The following CNTN5 variants were observed in gnomAD, a reference collection of about 807,000 sequenced individuals.
The protein encoded by CNTN5 is contactin-5.
Under a neutral mutation model 129.1 loss-of-function variants are expected in CNTN5, and 77 were observed. The ratio of observed to expected loss-of-function variants is 0.60; its 90% CI spans 0.50 to 0.72. The LOEUF is 0.72. Ranked by LOEUF, CNTN5 falls within the 30% of genes least tolerant of loss-of-function variation. The pLI is 0.00. For synonymous variants in CNTN5, 509 were observed against 465.6 expected (o/e 1.09, Z -1.20); for missense variants, 1,478 against 1,328.8 (o/e 1.11, Z -1.75).
chr11:100,331,567 T>C (rs1951907440), intron 21 of CNTN5, among the ~76,000 whole-genome samples: 2 of 152,078 alleles, frequency 1.3e-5, no homozygotes, highest in South Asian at 4.1e-4. Flanking sequence ...TCCTCCAAGA[T>C]AGACTATATG....
At chr11:99,308,304 C>A (rs1565479882) in intron 1 of CNTN5, among the ~76,000 whole-genome samples, 1 of 152,068 alleles carries the variant, frequency 6.6e-6, no homozygotes. Context: ...AAGAAACAGA[C>A]CAGTAAGCAA....
intron 1 of CNTN5, among the ~76,000 whole-genome samples, chr11:99,206,568 G>T (rs1188138588): frequency 2.7e-5 from 3 of 112,558 alleles, no homozygotes; most frequent in Non-Finnish European, 5.9e-5. Context: ...TAGTGTGTTT[G>T]TGTATGTGTA....
At chr11:99,822,350 A>G (rs1946827816) in intron 4 of CNTN5, among the ~76,000 whole-genome samples, 1 of 152,214 alleles carries the variant, frequency 6.6e-6, no homozygotes, top group Non-Finnish European at 1.5e-5. Context: ...TTGGAAACAG[A>G]TGTCCATCAG....
intron 13 of CNTN5, among the ~76,000 whole-genome samples, chr11:100,131,396 G>A (rs1332842014): frequency 3.3e-5 from 5 of 152,074 alleles, no homozygotes; most frequent in Non-Finnish European, 5.9e-5. Context: ...TTTTTACTGA[G>A]ATGGGATATG....
At chr11:99,120,036 T>C (rs976808241) in intron 1 of CNTN5, 3 of 151,906 alleles carry the variant, frequency 2.0e-5, no homozygotes, top group African/African-American at 7.3e-5. Context: ...CTTTGTCAGA[T>C]GCATAGTTTG....
At chr11:99,670,387 C>T (rs753331758) in intron 3 of CNTN5, among the ~76,000 whole-genome samples, 26 of 152,128 alleles carry the variant, frequency 1.7e-4, no homozygotes, top group Non-Finnish European at 3.4e-4. Flanking sequence ...TCTGCATCTC[C>T]GGTTTAGGCT....
chr11:99,387,146 A>G (rs1940969000), intron 2 of CNTN5, among the ~76,000 whole-genome samples: 1 of 152,138 alleles, frequency 6.6e-6, no homozygotes, highest in Admixed American at 6.6e-5. Flanking sequence ...TAATTAATAG[A>G]GGTTGATTTT....
Position 99,480,058 on chromosome 11 carries a change from G to A in CNTN5, c.-70-76087G>A, listed in dbSNP as rs78636348. Among the ~76,000 whole-genome samples the A allele has an allele frequency of 3.8e-3, 579 of 152,238 alleles. 3 individuals are homozygous for A. Among genetic ancestry groups the A allele is most frequent in the African/African-American group, 0.013 (555 of 41,558 alleles). ...AATATAGATAACAGATGGCATTTAA[G>A]GTTGTTGCTATTCAACTTTAATCAG... On this transcript the variant is annotated intron_variant, in intron 2 of 24. Transcript: ENST00000524871.
intron 1 of CNTN5, among the ~76,000 whole-genome samples, chr11:99,188,187 T>C (rs1162779409): frequency 1.3e-5 from 2 of 151,838 alleles, no homozygotes; most frequent in East Asian, 1.9e-4. Flanking sequence ...CCTTTGATGG[T>C]ATAAGGTTGG....
chr11:99,375,259 C>T (rs1465463929), intron 2 of CNTN5, among the ~76,000 whole-genome samples: 2 of 130,776 alleles, frequency 1.5e-5, no homozygotes, highest in Non-Finnish European at 3.1e-5. Context: ...ATGTAGATCA[C>T]GCCACAGCAC....
chr11:99,246,572 C>T (rs753838516), intron 1 of CNTN5, among the ~76,000 whole-genome samples: 1 of 152,150 alleles, frequency 6.6e-6, no homozygotes, highest in Non-Finnish European at 1.5e-5. Context: ...ATAAATACCT[C>T]CAAAGGCTAT....
chr11:99,990,690 G>A (rs1399230948), intron 8 of CNTN5, among the ~76,000 whole-genome samples: 1 of 151,834 alleles, frequency 6.6e-6, no homozygotes, highest in African/African-American at 2.4e-5. Context: ...ACTTTTTGAG[G>A]TGAGAAAAAA....
chr11:99,702,534 T>C (rs985147756), intron 3 of CNTN5, among the ~76,000 whole-genome samples: 3 of 151,004 alleles, frequency 2.0e-5, no homozygotes, highest in Admixed American at 6.6e-5. Flanking sequence ...ATCAGTTTTG[T>C]TATAATATTT....
At chr11:99,745,475 T>C (rs887319240) in intron 3 of CNTN5, among the ~76,000 whole-genome samples, 5 of 152,210 alleles carry the variant, frequency 3.3e-5, no homozygotes, top group Non-Finnish European at 7.3e-5. Context: ...AGTACTACCA[T>C]GCTCAGCTAA....
intron 1 of CNTN5, among the ~76,000 whole-genome samples, chr11:99,285,040 T>G (rs930765329): frequency 3.3e-5 from 5 of 152,084 alleles, no homozygotes; most frequent in African/African-American, 1.2e-4. Context: ...AATGTAAAAT[T>G]TTTGTAGTTA....
intron 3 of CNTN5, among the ~76,000 whole-genome samples, chr11:99,744,862 A>C (rs776159670): frequency 5.9e-5 from 9 of 151,528 alleles, no homozygotes; most frequent in Non-Finnish European, 1.0e-4. Flanking sequence ...AGAGAAGAAT[A>C]GTTGGCTTAT....
intron 1 of CNTN5, among the ~76,000 whole-genome samples, chr11:99,317,164 C>T (rs1865378152): frequency 6.6e-6 from 1 of 152,042 alleles, no homozygotes. Context: ...TTTTTCAAGA[C>T]AGAAGACACA....
At chr11:99,916,619 C>A (rs1202381143) in intron 7 of CNTN5, among the ~76,000 whole-genome samples, 1 of 152,020 alleles carries the variant, frequency 6.6e-6, no homozygotes, top group African/African-American at 2.4e-5. Context: ...AACAAAACTG[C>A]AATTTAGTTA....
intron 1 of CNTN5, among the ~76,000 whole-genome samples, chr11:99,021,914 G>A (rs971209663): frequency 3.9e-5 from 6 of 152,140 alleles, no homozygotes; most frequent in Non-Finnish European, 8.8e-5. Flanking sequence ...ATATCAATTT[G>A]CACATACACA....
Sources: gnomAD v4.1 joint callset for allele counts (sites outside exome capture counted in the v4.1 genomes callset) on GRCh38, gnomAD v4.1.1 for gene constraint, MANE v1.5 for transcripts, NCBI Gene and HGNC (gene_info 2026-07-23, HGNC 2026-07-21) for gene names.